Variants in FLT3 observed in about 807,000 individuals in gnomAD.
FLT3 encodes the protein receptor-type tyrosine-protein kinase FLT3.
In FLT3, 46 loss-of-function variants were observed where a neutral mutation model predicts 126.6. The ratio of observed to expected loss-of-function variants is 0.36; its 90% CI spans 0.29 to 0.46. The LOEUF is 0.46. FLT3 is among the 20% of genes least tolerant of loss of function. The pLI is 1.00. For synonymous variants in FLT3, 404 were observed against 434.4 expected (o/e 0.93, Z 0.87); for missense variants, 1,069 against 1,190.3 (o/e 0.90, Z 1.50).
At chr13:28,073,873 G>A (rs1200660407) in intron 1 of FLT3, among the ~76,000 whole-genome samples, 1 of 146,502 alleles carries the variant, frequency 6.8e-6, no homozygotes, top group Non-Finnish European at 1.5e-5. Flanking sequence ...CCAGGAGTTT[G>A]AAGCTGCAAT....
At chr13:28,018,364 T>C (rs1593219951) in intron 20 of FLT3, 103 bp downstream of exon 20, 1 of 1,343,728 alleles carries the variant, frequency 7.4e-7, no homozygotes, top group Non-Finnish European at 1.0e-6. Flanking sequence ...TTTTTGATGT[T>C]ACCATAAATC....
At chr13:28,065,406 C>A (rs58495889) in intron 2 of FLT3, among the ~76,000 whole-genome samples, 3,020 of 152,098 alleles carry the variant, frequency 0.02, 86 homozygotes, top group African/African-American at 0.068. Context: ...CTTTGTGAGG[C>A]CAAGGCAAGA....
rs368093531 is a variant in FLT3 at position 28,014,409 on chromosome 13, A to C, written c.2859+43T>G. The C allele has an allele frequency of 9.5e-5, 129 of 1,364,578 alleles. 1 individual carries two copies. In the African/African-American group the frequency reaches 1.6e-3, roughly 17 times the overall value. The allele number at this position is 1,364,578 out of a possible 1,614,324, so 84.5% of individuals were successfully genotyped here. A position where few individuals can be genotyped will look rare whatever the true frequency, so the allele number is the denominator to read the frequency against. Reference sequence around the variant, plus strand: ...ACAGCAACAAGTGTTTTAATTTACCAATTTCCTTTGTAAAGCTTTATAAAG... The same window carrying C: ...ACAGCAACAAGTGTTTTAATTTACCCATTTCCTTTGTAAAGCTTTATAAAG... On this transcript the variant is annotated intron_variant, in intron 23 of 23. Coordinates refer to ENST00000241453, the MANE Select transcript of FLT3 (RefSeq NM_004119.3).
chr13:28,005,203 C>T (rs1156739266), intron 23 of FLT3, among the ~76,000 whole-genome samples: 2 of 152,176 alleles, frequency 1.3e-5, no homozygotes, highest in African/African-American at 4.8e-5. Flanking sequence ...GCGGCGCGCG[C>T]CTGCAGTCCC....
intron 3 of FLT3, among the ~76,000 whole-genome samples, chr13:28,060,552 C>T (rs2137764511): frequency 6.7e-6 from 1 of 149,862 alleles, no homozygotes; most frequent in South Asian, 2.1e-4. Flanking sequence ...TCACTGCTTT[C>T]TATATACTTA....
intron 9 of FLT3, among the ~76,000 whole-genome samples, chr13:28,038,545 C>T (rs1230897546): frequency 2.6e-5 from 4 of 151,480 alleles, no homozygotes; most frequent in South Asian, 2.1e-4. Flanking sequence ...CTCTGCCTCC[C>T]GGGTTCCCAC....
At chr13:28,095,017 A>G (rs766141613) in intron 1 of FLT3, among the ~76,000 whole-genome samples, 9 of 152,228 alleles carry the variant, frequency 5.9e-5, no homozygotes, top group African/African-American at 1.9e-4. Context: ...CTTCGACCCT[A>G]TAACTGTGAC....
intron 3 of FLT3, 107 bp downstream of exon 3, chr13:28,061,760 G>A (rs1876584481): frequency 2.5e-6 from 2 of 795,446 alleles, no homozygotes; most frequent in Non-Finnish European, 4.1e-6. Context: ...GACAGAGAGA[G>A]ACCCTGACTC....
At chr13:28,057,271 G>T in intron 4 of FLT3, 76 bp downstream of exon 4, 1 of 767,800 alleles carries the variant, frequency 1.3e-6, no homozygotes, top group East Asian at 2.5e-5. Flanking sequence ...AGCTGGTCAA[G>T]CTAACGGGTT....
intron 15 of FLT3, 32 bp downstream of exon 15, chr13:28,033,855 A>G: frequency 6.5e-7 from 1 of 1,530,686 alleles, no homozygotes; most frequent in South Asian, 1.1e-5. Flanking sequence ...ATTTTTGTGC[A>G]TCTTTGTTGC....
At chr13:28,067,739 A>C (rs563270675) in intron 2 of FLT3, 1 of 160,906 alleles carries the variant, frequency 6.2e-6, no homozygotes, top group African/African-American at 2.4e-5. Flanking sequence ...ACAGCTGCAC[A>C]AGCTGTGAAA....
chr13:28,010,759 C>A (rs1021278647), intron 23 of FLT3, among the ~76,000 whole-genome samples: 1 of 152,236 alleles, frequency 6.6e-6, no homozygotes, highest in Non-Finnish European at 1.5e-5. Flanking sequence ...GTAATCCCCC[C>A]ACCTTGGGAG....
chr13:28,074,400 T>C (rs9513026), intron 1 of FLT3, among the ~76,000 whole-genome samples: 107,935 of 152,152 alleles, frequency 0.71, 40,137 homozygotes, highest in East Asian at 0.95. Flanking sequence ...TATGGATATA[T>C]ACTTTCATTT....
intron 1 of FLT3, among the ~76,000 whole-genome samples, chr13:28,078,941 C>T (rs908506684): frequency 2.6e-5 from 4 of 152,004 alleles, no homozygotes; most frequent in South Asian, 2.1e-4. Flanking sequence ...CTTGAACTCC[C>T]GACCTCGTGA....
chr13:28,072,144 AAAAT>A (rs1364475526), intron 1 of FLT3, among the ~76,000 whole-genome samples: 1 of 31,456 alleles, frequency 3.2e-5, no homozygotes, highest in Middle Eastern at 0.038. Flanking sequence ...TATATATATA[AAAAT>A]ATATGTGTAT....
chr13:28,047,537 C>T (rs1874994940), intron 9 of FLT3, among the ~76,000 whole-genome samples: 1 of 151,662 alleles, frequency 6.6e-6, no homozygotes, highest in Admixed American at 6.6e-5. Flanking sequence ...ATGGCAAAAC[C>T]CTGTCTCTAC....
intron 1 of FLT3, among the ~76,000 whole-genome samples, chr13:28,094,908 A>T (rs1452280975): frequency 1.3e-5 from 2 of 152,232 alleles, no homozygotes; most frequent in African/African-American, 2.4e-5. Context: ...AGCTTTCATT[A>T]CTTCAAAACC....
rs747936727 is a variant in FLT3 at position 28,014,501 on chromosome 13, G to C, written c.2810C>G (p.Pro937Arg). 12 of 1,613,974 alleles carry C rather than the reference G, an allele frequency of 7.4e-6. No individual in the cohort carries two copies. The highest frequency in any genetic ancestry group is 5.3e-5 in the African/African-American group (4 of 74,918). The change falls in exon 23 of 24, where the codon CCT becomes CGT. Residue 937 changes from proline to arginine, a missense_variant. Physicochemically the swap from Pro to Arg is moderately radical, Grantham distance 103. Coordinates refer to ENST00000241453, the MANE Select transcript of FLT3 (RefSeq NM_004119.3). ...AFDSRKRPSF[P>R]NLTSFLGCQL... ...ACATCCTAAAAACGAAGTCAAATTA[G>C]GGAAGGATGGCCGTTTCCTTGAGTC...
chr13:28,036,580 C>T (rs1392994280), intron 10 of FLT3, among the ~76,000 whole-genome samples: 1 of 152,198 alleles, frequency 6.6e-6, no homozygotes, highest in East Asian at 1.9e-4. Flanking sequence ...TCAGCCTTTC[C>T]TTAACATGAC....
Sources: allele counts gnomAD v4.1 joint callset (sites outside exome capture counted in the v4.1 genomes callset), GRCh38; gene constraint gnomAD v4.1.1; transcripts MANE v1.5; gene names NCBI Gene and HGNC (gene_info 2026-07-23, HGNC 2026-07-21).